Variants in CACNA1D observed in about 807,000 individuals in gnomAD.
The protein encoded by CACNA1D is calcium voltage-gated channel subunit alpha1 D.
In CACNA1D, 55 loss-of-function variants were observed where a neutral mutation model predicts 257.1. The observed-to-expected ratio is 0.21, with a 90% CI of 0.17 to 0.27. The LOEUF is 0.27. Ranked by LOEUF, CACNA1D falls within the 10% of genes least tolerant of loss-of-function variation. The pLI, the probability that CACNA1D is intolerant of heterozygous loss-of-function variation, is 1.00. For missense variants in CACNA1D, 1,876 were observed against 2,784.0 expected, an observed-to-expected ratio of 0.67 and a Z score of 7.34; for synonymous variants, 980 against 1,014.9, an observed-to-expected ratio of 0.97 and a Z score of 0.65.
chr3:53,810,986 T>C, intron 47 of CACNA1D, 127 bp from the exon 48 acceptor site: 1 of 758,238 alleles, frequency 1.3e-6, no homozygotes. Context: ...CTAGAAAACA[T>C]GATTGAGCTG....
intron 3 of CACNA1D, among the ~76,000 whole-genome samples, chr3:53,521,280 C>T (rs773593380): frequency 6.6e-6 from 1 of 152,124 alleles, no homozygotes; most frequent in Non-Finnish European, 1.5e-5. Context: ...TGGCCTCAAG[C>T]GATTCCCTGC....
chr3:53,802,089 G>C, intron 42 of CACNA1D, 58 bp from the exon 43 acceptor site: 1 of 1,417,568 alleles, frequency 7.1e-7, no homozygotes, highest in Non-Finnish European at 1.0e-6. Context: ...TTGTAAATTT[G>C]GTTGGAAATT....
intron 3 of CACNA1D, among the ~76,000 whole-genome samples, chr3:53,605,091 C>A (rs577064480): frequency 6.6e-6 from 1 of 152,264 alleles, no homozygotes; most frequent in Non-Finnish European, 1.5e-5. Flanking sequence ...ATTAAAAGCA[C>A]AATAAATTCA....
intron 40 of CACNA1D, chr3:53,796,472 G>C (rs1261330233): frequency 2.2e-6 from 1 of 451,292 alleles, no homozygotes; most frequent in Non-Finnish European, 4.5e-6. Context: ...CAGATGGCTG[G>C]TGTGTCTGAT....
intron 3 of CACNA1D, among the ~76,000 whole-genome samples, chr3:53,572,367 T>G (rs957299149): frequency 1.7e-5 from 1 of 60,436 alleles, no homozygotes. Flanking sequence ...GGTTTGTTTG[T>G]TTGTTTGTTT....
chr3:53,786,911 G>T lies in CACNA1D; in HGVS notation c.4882G>T (p.Val1628Leu), dbSNP rs753488957. ...KFKKRKEQGL[V>L]GKYPAKNTTI... is the part of the protein sequence containing the mutation. The stretch of plus-strand genomic sequence containing the variant: ...CAAGAAACGGAAAGAACAAGGACTG[G>T]TGGGAAAGTACCCTGCGAAGAACAC... Residue 1628 changes from valine (V) to leucine (L), a missense_variant, in exon 40 of 48, where the codon GTG becomes TTG. Val to Leu is a conservative substitution (Grantham distance 32). Around this residue, in one of 10 missense-constraint regions of CACNA1D, gnomAD observed 160 missense variants for 236.6 expected, o/e 0.68. Transcript: ENST00000350061. The T allele has an allele frequency of 6.2e-7, 1 of 1,614,100 alleles. No individual in the cohort carries two copies. The highest frequency in any genetic ancestry group is 2.2e-5 in the East Asian group (1 of 44,878).
intron 3 of CACNA1D, among the ~76,000 whole-genome samples, chr3:53,509,279 C>CTCTGTG (rs151285461): frequency 6.7e-6 from 1 of 149,870 alleles, no homozygotes; most frequent in Admixed American, 6.6e-5. Context: ...ACAGCCCCCT[C>CTCTGTG]TGTGTGTGTG....
intron 8 of CACNA1D, among the ~76,000 whole-genome samples, chr3:53,691,781 CTATAATATATATATTACATA>C (rs1042012282): frequency 1.6e-4 from 7 of 45,136 alleles, no homozygotes; most frequent in Admixed American, 2.9e-4. Flanking sequence ...TATATTATAT[CTATAATATATATATTACATA>C]TATAATATAT....
At chr3:53,668,672 T>C (rs2094293325) in intron 7 of CACNA1D, among the ~76,000 whole-genome samples, 1 of 152,204 alleles carries the variant, frequency 6.6e-6, no homozygotes, top group African/African-American at 2.4e-5. Context: ...CAGTGGTCTA[T>C]AAACCTTTTC....
chr3:53,714,251 A>T lies in CACNA1D; in HGVS notation c.1391-4050A>T, dbSNP rs577572213. On this transcript the variant is annotated intron_variant, in intron 9 of 47. Coordinates refer to ENST00000350061, the MANE Select transcript of CACNA1D (RefSeq NM_001128840.3). ...CAGTAGGGGACTGGCACTTGTCGGCAATGTGGGGAGGTCTGAGGGGTCTGC... is the reference window on the plus strand; with the variant it reads ...CAGTAGGGGACTGGCACTTGTCGGCTATGTGGGGAGGTCTGAGGGGTCTGC... Among the ~76,000 whole-genome samples, 39 of 152,182 alleles carry T rather than the reference A, an allele frequency of 2.6e-4. No homozygotes were observed. In the South Asian group the frequency reaches 7.9e-3, roughly 31 times the overall value.
intron 3 of CACNA1D, among the ~76,000 whole-genome samples, chr3:53,532,560 C>CT (rs906783106): frequency 1.3e-5 from 2 of 152,132 alleles, no homozygotes; most frequent in Admixed American, 1.3e-4. Flanking sequence ...GTGTTAAGCA[C>CT]TTTTTGGTGG....
At chr3:53,691,457 G>A (rs1251205013) in intron 8 of CACNA1D, among the ~76,000 whole-genome samples, 1 of 151,458 alleles carries the variant, frequency 6.6e-6, no homozygotes, top group African/African-American at 2.4e-5. Context: ...AACAAAGTCT[G>A]TAACTTTTAG....
chr3:53,514,252 A>G (rs1311226068), intron 3 of CACNA1D, among the ~76,000 whole-genome samples: 5 of 152,010 alleles, frequency 3.3e-5, no homozygotes, highest in African/African-American at 1.2e-4. Flanking sequence ...CCCACGCTCA[A>G]GTACTAGGCC....
intron 3 of CACNA1D, among the ~76,000 whole-genome samples, chr3:53,551,260 C>T (rs551805957): frequency 3.9e-5 from 6 of 152,324 alleles, no homozygotes; most frequent in Non-Finnish European, 7.3e-5. Context: ...TCCCTGGCCA[C>T]GGTCACACAT....
chr3:53,552,801 A>T (rs1333878793), intron 3 of CACNA1D, among the ~76,000 whole-genome samples: 1 of 152,178 alleles, frequency 6.6e-6, no homozygotes, highest in Non-Finnish European at 1.5e-5. Flanking sequence ...TGAACTTGGA[A>T]CTGCTGCCAT....
intron 4 of CACNA1D, among the ~76,000 whole-genome samples, chr3:53,657,357 A>G (rs2094158265): frequency 6.6e-6 from 1 of 152,134 alleles, no homozygotes; most frequent in Admixed American, 6.5e-5. Context: ...TAAACAGCCA[A>G]TCACTGGATA....
intron 3 of CACNA1D, among the ~76,000 whole-genome samples, chr3:53,576,982 T>C (rs976899537): frequency 3.9e-5 from 6 of 152,224 alleles, no homozygotes; most frequent in African/African-American, 1.4e-4. Context: ...CTTCTTCATA[T>C]TGGTTCCAAA....
intron 11 of CACNA1D, among the ~76,000 whole-genome samples, chr3:53,720,930 T>C (rs746389339): frequency 2.3e-4 from 35 of 152,246 alleles, no homozygotes; most frequent in Non-Finnish European, 4.4e-4. Flanking sequence ...AATGAAGATA[T>C]ATGCCTACAT....
In CACNA1D at chr3:53,801,349, G is replaced by A. The variant is rs2106780761; in HGVS notation, c.5332G>A (p.Glu1778Lys). ...HGKRPSIGNL[E>K]HVSENGHHSS... ...AAAGCGGCCCAGCATTGGGAACCTT[G>A]AGCATGTGTCTGAAAATGGGCATCA... is the stretch of plus-strand genomic sequence containing the variant. Residue 1778 changes from glutamate to lysine, a missense_variant, in exon 42 of 48, where the codon GAG (glutamate) becomes AAG (lysine). Around this residue, in one of 10 missense-constraint regions of CACNA1D, gnomAD observed 491 missense variants for 554.3 expected, o/e 0.89. Transcript: ENST00000350061. 1 of 1,614,172 alleles carries A rather than the reference G, an allele frequency of 6.2e-7. No homozygotes were observed. Among genetic ancestry groups the A allele is most frequent in the Non-Finnish European group, 8.5e-7 (1 of 1,180,030 alleles).
Sources: gnomAD v4.1 joint callset for allele counts (sites outside exome capture counted in the v4.1 genomes callset) on GRCh38, gnomAD v4.1.1 for gene constraint, gnomAD v4.1.1 regional missense constraint, MANE v1.5 for transcripts, NCBI Gene and HGNC (gene_info 2026-07-23, HGNC 2026-07-21) for gene names.